Variants in ZNF776 observed in about 807,000 individuals in gnomAD.
The protein encoded by ZNF776 is zinc finger protein 776.
Under a neutral mutation model 7.0 loss-of-function variants are expected in ZNF776, and 4 were observed. The ratio of observed to expected loss-of-function variants is 0.57; its 90% CI spans 0.28 to 1.31. The LOEUF (loss-of-function observed/expected upper bound fraction) is 1.31, where lower values mean the gene tolerates loss of function less well. Among genes scored for constraint, ZNF776 ranks in the 50% most tolerant of loss-of-function variants. The pLI is 0.10. For missense variants in ZNF776, 555 were observed against 625.9 expected (o/e 0.89, Z 1.21); for synonymous variants, 212 against 213.7 (o/e 0.99, Z 0.07).
chr19:57,748,678 G>A (rs1320012683), intron 1 of ZNF776, among the ~76,000 whole-genome samples: 5 of 152,120 alleles, frequency 3.3e-5, no homozygotes, highest in Non-Finnish European at 5.9e-5. Context: ...TGGAGAGGTA[G>A]GTAAGTGACC....
Position 57,747,051 on chromosome 19 carries a change from C to T in ZNF776, c.-8C>T, listed in dbSNP as rs1309704839. 6.3e-7 allele frequency: 1 copy of T among 1,585,942 alleles called. No homozygotes were observed. The highest frequency in any genetic ancestry group is 1.8e-5 in the Admixed American group (1 of 56,936). On this transcript the variant is annotated 5_prime_UTR_variant, in exon 1 of 3. Transcript: ENST00000317178. ...CTCCTTTCGACCCCGCTTTCCCCACCCAGTCGGATGGCGGCGGCCGCGCTG... is the reference window on the plus strand; with the variant it reads ...CTCCTTTCGACCCCGCTTTCCCCACTCAGTCGGATGGCGGCGGCCGCGCTG...
In ZNF776 at chr19:57,756,759, C is replaced by G; in HGVS notation, c.*2072C>G. 3 of 361,990 alleles carry G rather than the reference C, an allele frequency of 8.3e-6. No homozygotes were observed. The highest frequency in any genetic ancestry group is 1.6e-4 in the East Asian group (2 of 12,260). The allele number at this position is 361,990 out of a possible 1,614,324, so 22.4% of individuals were successfully genotyped here. A position where few individuals can be genotyped will look rare whatever the true frequency, so the allele number is the denominator to read the frequency against. ...TCAGTACTGGTGAGGGAAATCTGTT[C>G]TCAAGTCCTACAGTGCATTCATGTG... On this transcript the variant is annotated 3_prime_UTR_variant, in exon 3 of 3. Transcript: ENST00000317178.
rs1219575257 is a variant in ZNF776 at position 57,755,054 on chromosome 19, CA to C, written c.*368del. 1 of 216,146 alleles carries C rather than the reference CA, an allele frequency of 4.6e-6. No homozygotes were observed. Among genetic ancestry groups the C allele is most frequent in the Non-Finnish European group, 9.3e-6 (1 of 107,754 alleles). The allele number at this position is 216,146 out of a possible 1,614,324, so 13.4% of individuals were successfully genotyped here. Reference sequence around the variant, plus strand: ...TAAAATTATTTAGCCAGAAGAGCTGCATTACTATTCATCAGATAATTTACAA... The same window carrying C: ...TAAAATTATTTAGCCAGAAGAGCTGCTTACTATTCATCAGATAATTTACAA... On this transcript the variant is annotated 3_prime_UTR_variant, in exon 3 of 3. Transcript: ENST00000317178.
At chr19:57,751,806 T>C (rs902396800) in intron 2 of ZNF776, among the ~76,000 whole-genome samples, 6 of 150,956 alleles carry the variant, frequency 4.0e-5, no homozygotes, top group Non-Finnish European at 7.4e-5. Flanking sequence ...CCTAAGTAGC[T>C]GGGACTACAG....
At chr19:57,750,149 C>T (rs918409450) in intron 1 of ZNF776, among the ~76,000 whole-genome samples, 3 of 151,856 alleles carry the variant, frequency 2.0e-5, no homozygotes, top group Non-Finnish European at 4.4e-5. Flanking sequence ...TTTGGCCTAG[C>T]ACAGTGGCTC....
chr19:57,754,784 A>G lies in ZNF776; in HGVS notation c.*97A>G. On this transcript the variant is annotated 3_prime_UTR_variant, in exon 3 of 3. Transcript: ENST00000317178. ...ATGAGTATGGAGAATGTGCAAAATC[A>G]TCTAGCCAAAAGGTTGGCCTCATTC... is the stretch of plus-strand genomic sequence containing the variant. 1 of 1,299,496 alleles carries G rather than the reference A, an allele frequency of 7.7e-7. No individual in the cohort carries two copies. The highest frequency in any genetic ancestry group is 1.4e-5 in the South Asian group (1 of 69,916). 80.5% of individuals were successfully genotyped at this position (1,299,496 alleles called of 1,614,324 possible). A position where few individuals can be genotyped will look rare whatever the true frequency, so the allele number is the denominator to read the frequency against.
In ZNF776 at chr19:57,756,382, T is replaced by C. The variant is rs1192646957; in HGVS notation, c.*1695T>C. The C allele has an allele frequency of 6.6e-6, 1 of 152,254 alleles. No individual in the cohort carries two copies. The highest frequency in any genetic ancestry group is 6.5e-5 in the Admixed American group (1 of 15,284). The allele number at this position is 152,254 out of a possible 1,614,324, so 9.4% of individuals were successfully genotyped here. On this transcript the variant is annotated 3_prime_UTR_variant, in exon 3 of 3. Coordinates refer to ENST00000317178, the MANE Select transcript of ZNF776 (RefSeq NM_173632.4). Reference sequence around the variant, plus strand: ...AATCTTGGGAATTGTATTGACTGTATTGTGTGAATTGTATACTCACTGCAT... The same window carrying C: ...AATCTTGGGAATTGTATTGACTGTACTGTGTGAATTGTATACTCACTGCAT...
intron 2 of ZNF776, among the ~76,000 whole-genome samples, chr19:57,752,163 C>T (rs561815752): frequency 6.6e-6 from 1 of 152,090 alleles, no homozygotes; most frequent in Admixed American, 6.6e-5. Context: ...AGCCACCGTG[C>T]CCGGCCTCAT....
intron 2 of ZNF776, among the ~76,000 whole-genome samples, chr19:57,751,214 T>C (rs949561592): frequency 2.0e-5 from 3 of 152,234 alleles, no homozygotes; most frequent in Admixed American, 2.0e-4. Context: ...CAGAGACTGG[T>C]ATGCACAGGT....
At chr19:57,749,769 T>C (rs960798513) in intron 1 of ZNF776, among the ~76,000 whole-genome samples, 1 of 152,220 alleles carries the variant, frequency 6.6e-6, no homozygotes, top group Non-Finnish European at 1.5e-5. Context: ...AACAAGCCAG[T>C]TGCATCCTCC....
At position 57,757,461 on chromosome 19, in the gene ZNF776, A is replaced by G. The variant is rs1324780709; in HGVS notation, c.*2774A>G. 6.6e-6 allele frequency: 1 copy of G among 152,326 alleles called. No individual in the cohort carries two copies. Among genetic ancestry groups the G allele is most frequent in the Non-Finnish European group, 1.5e-5 (1 of 68,106 alleles). The allele number at this position is 152,326 out of a possible 1,614,324, so 9.4% of individuals were successfully genotyped here. On this transcript the variant is annotated 3_prime_UTR_variant, in exon 3 of 3. Coordinates refer to ENST00000317178, the MANE Select transcript of ZNF776 (RefSeq NM_173632.4). ...AGTGATGTGGCCTTTGCAACCAGCC[A>G]GCATTCCAATTTAATCAGGTGGAAA...
rs1379201147 is a variant in ZNF776, at chr19:57,756,803, T to C, written c.*2116T>C. The C allele has an allele frequency of 4.5e-6, 2 of 440,602 alleles. No homozygotes were observed. Among genetic ancestry groups the C allele is most frequent in the Non-Finnish European group, 9.1e-6 (2 of 219,476 alleles). The allele number at this position is 440,602 out of a possible 1,614,324, so 27.3% of individuals were successfully genotyped here. ...TCATGTGTCCTGAAGTCCAGAATTC[T>C]GTAGGATAGTGTCCTACGTTATAAG... On this transcript the variant is annotated 3_prime_UTR_variant, in exon 3 of 3. Transcript: ENST00000317178.
intron 1 of ZNF776, among the ~76,000 whole-genome samples, chr19:57,747,910 A>G (rs898820725): frequency 2.6e-5 from 4 of 151,920 alleles, no homozygotes; most frequent in African/African-American, 9.7e-5. Context: ...CCCAGGATCC[A>G]AAGTCTGTGA....
At chr19:57,747,746 C>G (rs566271137) in intron 1 of ZNF776, among the ~76,000 whole-genome samples, 12 of 152,238 alleles carry the variant, frequency 7.9e-5, no homozygotes, top group African/African-American at 2.6e-4. Flanking sequence ...GAAGCACTTG[C>G]AGAACCTCCG....
chr19:57,748,788 T>G (rs964620182), intron 1 of ZNF776, among the ~76,000 whole-genome samples: 1 of 151,978 alleles, frequency 6.6e-6, no homozygotes, highest in Non-Finnish European at 1.5e-5. Flanking sequence ...TGTAGTCAAA[T>G]TGAGGGAAGA....
intron 2 of ZNF776, among the ~76,000 whole-genome samples, chr19:57,752,577 T>C (rs1986639589): frequency 6.6e-6 from 1 of 152,308 alleles, no homozygotes; most frequent in East Asian, 1.9e-4. Flanking sequence ...ATTAGGGATT[T>C]AGGAAAGTCA....
intron 2 of ZNF776, 116 bp from the exon 3 acceptor site, chr19:57,753,175 A>T: frequency 1.0e-6 from 1 of 968,678 alleles, no homozygotes; most frequent in Non-Finnish European, 1.6e-6. Flanking sequence ...ATATAAAAGG[A>T]TATGTCTAGG....
intron 2 of ZNF776, among the ~76,000 whole-genome samples, chr19:57,751,475 C>T (rs2122514215): frequency 6.6e-6 from 1 of 152,286 alleles, no homozygotes; most frequent in South Asian, 2.1e-4. Flanking sequence ...AATCCTCCTT[C>T]CTCAGCCTCT....
chr19:57,754,626 A>C lies in ZNF776; in HGVS notation c.1496A>C (p.Gln499Pro). ...GGAGAATGTGGAAAGTGTTTTCGTC[A>C]AAAGGGAAACCTCATTAAACATCAA... is the stretch of plus-strand genomic sequence containing the variant. Reference protein sequence around the residue: ...ECGECGKCFRQKGNLIKHQRV... With the variant: ...ECGECGKCFRPKGNLIKHQRV... The change falls in exon 3 of 3, where the codon CAA (glutamine) becomes CCA (proline). Residue 499 changes from glutamine to proline, a missense_variant. Gln to Pro is a moderately conservative substitution (Grantham distance 76). Transcript: ENST00000317178. 1 of 1,614,164 alleles carries C rather than the reference A, an allele frequency of 6.2e-7. No individual in the cohort carries two copies.
Sources: allele counts gnomAD v4.1 joint callset (sites outside exome capture counted in the v4.1 genomes callset), GRCh38; gene constraint gnomAD v4.1.1; transcripts MANE v1.5; gene names NCBI Gene and HGNC (gene_info 2026-07-23, HGNC 2026-07-21).